Variants in CAMK2D observed in about 807,000 individuals in gnomAD.
CAMK2D encodes the protein calcium/calmodulin dependent protein kinase II delta.
A neutral mutation model predicts 84.0 loss-of-function variants in CAMK2D; 37 were observed. That is an observed-to-expected ratio of 0.44 (90% CI 0.34 to 0.58). The LOEUF is 0.58. CAMK2D is among the 20% of genes least tolerant of loss of function. The probability of loss-of-function intolerance (pLI) is 0.02; values close to 1 mark genes in which losing one functional copy is unlikely to be tolerated. For missense variants in CAMK2D, 448 were observed against 652.5 expected, an observed-to-expected ratio of 0.69 and a Z score of 3.41; for synonymous variants, 202 against 212.5, an observed-to-expected ratio of 0.95 and a Z score of 0.43.
At chr4:113,552,875 G>T (rs2098639062) in intron 4 of CAMK2D, among the ~76,000 whole-genome samples, 2 of 152,140 alleles carry the variant, frequency 1.3e-5, no homozygotes, top group Admixed American at 1.3e-4. Context: ...TGAAAATTGT[G>T]AAGGTGCTCA....
At chr4:113,603,725 T>C (rs1414985911) in intron 4 of CAMK2D, among the ~76,000 whole-genome samples, 1 of 146,910 alleles carries the variant, frequency 6.8e-6, no homozygotes, top group Non-Finnish European at 1.5e-5. Flanking sequence ...ATATGTTTCT[T>C]GCTATTATAT....
chr4:113,606,655 C>A lies in CAMK2D; in HGVS notation c.275+2497G>T, dbSNP rs76815550. On this transcript the variant is annotated intron_variant, in intron 4 of 20. Transcript: ENST00000511664. ...TCTTAGACTCTAACAAAAGATCCAA[C>A]ACTCATGTCATCAGAGTTCCAAAAG... Among the ~76,000 whole-genome samples the A allele has an allele frequency of 4.0e-3, 605 of 152,176 alleles. 6 individuals are homozygous for A. Among genetic ancestry groups the A allele is most frequent in the African/African-American group, 0.014 (578 of 41,516 alleles).
At chr4:113,670,154 G>A (rs931047813) in intron 2 of CAMK2D, among the ~76,000 whole-genome samples, 3 of 151,948 alleles carry the variant, frequency 2.0e-5, no homozygotes, top group Non-Finnish European at 4.4e-5. Flanking sequence ...TGGTAGCGTG[G>A]GCCTGTACTC....
At chr4:113,614,139 C>A (rs2099012206) in intron 3 of CAMK2D, among the ~76,000 whole-genome samples, 2 of 152,122 alleles carry the variant, frequency 1.3e-5, no homozygotes. Context: ...AGTACTACTT[C>A]TTTCCTCCTC....
intron 2 of CAMK2D, chr4:113,755,042 C>G: frequency 3.0e-6 from 3 of 984,696 alleles, no homozygotes; most frequent in Non-Finnish European, 3.6e-6. Context: ...ACTTCCAATT[C>G]AAGACAAGTA....
intron 2 of CAMK2D, among the ~76,000 whole-genome samples, chr4:113,755,379 A>G (rs2099626337): frequency 6.6e-6 from 1 of 151,970 alleles, no homozygotes. Context: ...TTACAGAAAT[A>G]TAAAATGAAA....
At chr4:113,530,023 T>G (rs1311510081) in intron 8 of CAMK2D, among the ~76,000 whole-genome samples, 1 of 152,232 alleles carries the variant, frequency 6.6e-6, no homozygotes, top group Non-Finnish European at 1.5e-5. Flanking sequence ...AATCTGTCAT[T>G]TAAACAGCTG....
chr4:113,650,137 T>C (rs2099167103), intron 3 of CAMK2D, among the ~76,000 whole-genome samples: 1 of 152,188 alleles, frequency 6.6e-6, no homozygotes, highest in Non-Finnish European at 1.5e-5. Context: ...TTATTTTTCT[T>C]ATCTTTCATT....
intron 12 of CAMK2D, 22 bp downstream of exon 12, chr4:113,513,306 G>A (rs754944535): frequency 6.2e-7 from 1 of 1,611,076 alleles, no homozygotes. Flanking sequence ...GGGATAAGAA[G>A]CAGAGTTCCC....
chr4:113,673,965 G>A (rs2099306323), intron 2 of CAMK2D, among the ~76,000 whole-genome samples: 1 of 143,952 alleles, frequency 6.9e-6, no homozygotes, highest in African/African-American at 2.7e-5. Context: ...GCATCCCACT[G>A]AAGCTAGATG....
chr4:113,668,072 T>G (rs201435645), intron 2 of CAMK2D, among the ~76,000 whole-genome samples: 3 of 152,134 alleles, frequency 2.0e-5, no homozygotes, highest in Admixed American at 2.0e-4. Context: ...CTTGATTCTA[T>G]ATGGCCTGGA....
At chr4:113,553,913 G>C (rs1206774436) in intron 4 of CAMK2D, among the ~76,000 whole-genome samples, 1 of 152,086 alleles carries the variant, frequency 6.6e-6, no homozygotes, top group Non-Finnish European at 1.5e-5. Context: ...ACAATTTTGT[G>C]AGATTTCTTC....
intron 6 of CAMK2D, among the ~76,000 whole-genome samples, chr4:113,543,250 A>G (rs187397136): frequency 6.3e-4 from 96 of 152,358 alleles, no homozygotes; most frequent in Middle Eastern, 3.4e-3. Flanking sequence ...TTCTTGTGAC[A>G]TTAAAAATTG....
At chr4:113,663,204 G>A (rs1263117613) in intron 2 of CAMK2D, among the ~76,000 whole-genome samples, 1 of 152,138 alleles carries the variant, frequency 6.6e-6, no homozygotes, top group East Asian at 1.9e-4. Context: ...TTATTTAGAA[G>A]TATGCAAGCA....
intron 3 of CAMK2D, among the ~76,000 whole-genome samples, chr4:113,618,021 T>G (rs150493550): frequency 2.5e-4 from 38 of 152,224 alleles, no homozygotes; most frequent in African/African-American, 9.1e-4. Flanking sequence ...TAAGTAATAC[T>G]TGATAAGCAC....
intron 4 of CAMK2D, among the ~76,000 whole-genome samples, chr4:113,582,013 CT>C (rs2098812788): frequency 6.6e-6 from 1 of 152,170 alleles, no homozygotes; most frequent in South Asian, 2.1e-4. Context: ...CTCCTTCCTT[CT>C]GATTGGCTTC....
intron 4 of CAMK2D, among the ~76,000 whole-genome samples, chr4:113,581,529 A>AAAAAAG (rs373642282): frequency 2.0e-4 from 24 of 121,888 alleles, no homozygotes; most frequent in African/African-American, 7.1e-4. Context: ...AAAAAAAAAA[A>AAAAAAG]AAAAGAAAAG....
chr4:113,525,885 TAA>T (rs1259238533), intron 8 of CAMK2D, among the ~76,000 whole-genome samples: 3 of 152,118 alleles, frequency 2.0e-5, no homozygotes, highest in Non-Finnish European at 4.4e-5. Context: ...AATGAATGGC[TAA>T]AAAAGAGTTT....
intron 16 of CAMK2D, among the ~76,000 whole-genome samples, chr4:113,493,551 C>G (rs1268245019): frequency 1.3e-5 from 2 of 152,036 alleles, no homozygotes; most frequent in East Asian, 3.9e-4. Flanking sequence ...GGTGACCCGA[C>G]CTTTCTCTCT....
Sources: gnomAD v4.1 joint callset for allele counts (sites outside exome capture counted in the v4.1 genomes callset) on GRCh38, gnomAD v4.1.1 for gene constraint, MANE v1.5 for transcripts, NCBI Gene and HGNC (gene_info 2026-07-23, HGNC 2026-07-21) for gene names.